Variants in CUX1 observed in about 807,000 individuals in gnomAD.
CUX1 encodes the protein cut like homeobox 1.
In CUX1, 31 loss-of-function variants were observed where a neutral mutation model predicts 158.8. The ratio of observed to expected loss-of-function variants is 0.20; its 90% CI spans 0.15 to 0.26. CUX1 has a LOEUF of 0.26. CUX1 is among the 10% of genes least tolerant of loss of function. CUX1 has a pLI of 1.00. For synonymous variants in CUX1, 879 were observed against 862.1 expected, an observed-to-expected ratio of 1.02 and a Z score of -0.34; for missense variants, 1,589 against 2,014.6, an observed-to-expected ratio of 0.79 and a Z score of 4.04.
At chr7:102,070,474 G>A (rs899936219) in intron 4 of CUX1, 57 bp downstream of exon 4, 4 of 1,390,396 alleles carry the variant, frequency 2.9e-6, no homozygotes, top group Admixed American at 2.1e-5. Flanking sequence ...GTGAGTCGGT[G>A]GGTTTTTGGC....
chr7:102,185,553 G>A lies in CUX1; in HGVS notation c.1018-4260G>A, dbSNP rs567697569. Among the ~76,000 whole-genome samples, 8 of 151,968 alleles carry A rather than the reference G, an allele frequency of 5.3e-5. No individual in the cohort carries two copies. The South Asian group carries it at 1.5e-3, about 28-fold the overall frequency. ...TCCTGCCCCAGCCTCCTGAGTAGCT[G>A]GGACTGCCGGCACATGCTAACACAC... On this transcript the variant is annotated intron_variant, in intron 11 of 23. Coordinates refer to ENST00000292535, the MANE Select transcript of CUX1 (RefSeq NM_181552.4).
chr7:101,908,464 T>TTGTTTGTG, intron 1 of CUX1, among the ~76,000 whole-genome samples: 1 of 151,554 alleles, frequency 6.6e-6, no homozygotes, highest in South Asian at 2.1e-4. Flanking sequence ...GTTTGTTTGT[T>TTGTTTGTG]TGTTTGTTTG....
intron 1 of CUX1, among the ~76,000 whole-genome samples, chr7:101,897,718 A>C (rs562865930): frequency 6.6e-6 from 1 of 152,244 alleles, no homozygotes; most frequent in African/African-American, 2.4e-5. Context: ...GTCTGATATT[A>C]TCATCCCCAA....
At chr7:101,816,044 T>C (rs748916298), upstream of CUX1, 2 of 1,425,462 alleles carry the variant, frequency 1.4e-6, no homozygotes, top group South Asian at 1.2e-5. Context: ...GCGGCCAATG[T>C]GGGATCGATG....
chr7:102,258,637 G>A (rs1790142057), downstream of CUX1, among the ~76,000 whole-genome samples: 1 of 152,184 alleles, frequency 6.6e-6, no homozygotes, highest in South Asian at 2.1e-4. Context: ...GCCAGTGCTG[G>A]TGCGGCACTG....
intron 1 of CUX1, among the ~76,000 whole-genome samples, chr7:101,910,744 CAA>C (rs77729111): frequency 2.5e-4 from 27 of 106,074 alleles, no homozygotes; most frequent in Non-Finnish European, 2.1e-4. Flanking sequence ...AAGACTGTCT[CAA>C]AAAAAAAAAA....
At chr7:101,882,475 G>A (rs1341082954) in intron 1 of CUX1, among the ~76,000 whole-genome samples, 2 of 152,052 alleles carry the variant, frequency 1.3e-5, no homozygotes, top group Admixed American at 6.6e-5. Flanking sequence ...GTGTGACTTA[G>A]GTGTAGAAAT....
intron 8 of CUX1, among the ~76,000 whole-genome samples, chr7:102,126,054 C>A (rs956945183): frequency 6.6e-6 from 1 of 151,932 alleles, no homozygotes; most frequent in East Asian, 1.9e-4. Context: ...CACTCTGTTG[C>A]CCAGGCTGGA....
Position 101,939,005 on chromosome 7 carries a change from C to T in CUX1, c.141+22780C>T, listed in dbSNP as rs542706448. Among the ~76,000 whole-genome samples, 6 of 138,228 alleles carry T rather than the reference C, an allele frequency of 4.3e-5. No homozygotes were observed. The South Asian group carries it at 1.4e-3, about 32-fold the overall frequency. The allele number at this position is 138,228 out of a possible 152,430, so 90.7% of individuals were successfully genotyped here. A position where few individuals can be genotyped will look rare whatever the true frequency, so the allele number is the denominator to read the frequency against. ...GCAGTGAGCCAAGATCGTGCCACTG[C>T]AGTCCAGCCTGGGCAACAAGACCAA... is the stretch of plus-strand genomic sequence containing the variant. On this transcript the variant is annotated intron_variant, in intron 2 of 23. Transcript: ENST00000292535.
In CUX1 at chr7:102,254,028, C is replaced by T. The variant is rs1322246629; in HGVS notation, c.*4986C>T. On this transcript the variant is annotated 3_prime_UTR_variant, in exon 24 of 24. Coordinates refer to ENST00000292535, the MANE Select transcript of CUX1 (RefSeq NM_181552.4). ...CTGGAGAGAGCAGAAAAGCTGCCAG[C>T]GCAGCAGACACGAACATCCCTCTGC... 3 of 985,342 alleles carry T rather than the reference C, an allele frequency of 3.0e-6. No individual in the cohort carries two copies. Among genetic ancestry groups the T allele is most frequent in the Non-Finnish European group, 2.4e-6 (2 of 829,974 alleles). 61.0% of individuals were successfully genotyped at this position (985,342 alleles called of 1,614,324 possible). A position where few individuals can be genotyped will look rare whatever the true frequency, so the allele number is the denominator to read the frequency against.
intron 2 of CUX1, among the ~76,000 whole-genome samples, chr7:101,996,861 C>G (rs554326301): frequency 6.6e-6 from 1 of 152,172 alleles, no homozygotes; most frequent in African/African-American, 2.4e-5. Context: ...TTCCACCCTG[C>G]GTCTGCCCAT....
intron 17 of CUX1, chr7:102,275,394 G>A (rs1323537596): frequency 6.5e-7 from 1 of 1,541,314 alleles, no homozygotes; most frequent in African/African-American, 1.4e-5. Flanking sequence ...ATGCTCCTTG[G>A]GCCCAAGGAC....
intron 1 of CUX1, among the ~76,000 whole-genome samples, chr7:101,841,050 C>T (rs950325804): frequency 1.8e-4 from 28 of 151,950 alleles, no homozygotes; most frequent in African/African-American, 5.8e-4. Context: ...CCCGCCACCA[C>T]GCCTGGCTAA....
chr7:101,920,058 G>A (rs1485769986), intron 2 of CUX1, among the ~76,000 whole-genome samples: 2 of 152,126 alleles, frequency 1.3e-5, no homozygotes, highest in African/African-American at 4.8e-5. Context: ...GTCCCGAGTA[G>A]CTGGGATTAC....
At chr7:101,885,545 C>G (rs748493529) in intron 1 of CUX1, among the ~76,000 whole-genome samples, 1 of 152,058 alleles carries the variant, frequency 6.6e-6, no homozygotes, top group African/African-American at 2.4e-5. Flanking sequence ...GGCGACAGAG[C>G]GAGACCCTGT....
At position 102,257,831 on chromosome 7, in the gene CUX1, T is replaced by A; in HGVS notation, c.*8789T>A. 1 of 984,588 alleles carries A rather than the reference T, an allele frequency of 1.0e-6. No individual in the cohort carries two copies. The highest frequency in any genetic ancestry group is 1.2e-6 in the Non-Finnish European group (1 of 829,772). 61.0% of individuals were successfully genotyped at this position (984,588 alleles called of 1,614,324 possible). On this transcript the variant is annotated 3_prime_UTR_variant, in exon 24 of 24. Transcript: ENST00000292535. ...GTTTGTTCATCCTCACAATCACAGA[T>A]TTTTTTCTCCAATCCTCACAGAGAC...
chr7:101,997,283 C>G (rs935435235), intron 2 of CUX1, among the ~76,000 whole-genome samples: 4 of 152,236 alleles, frequency 2.6e-5, no homozygotes, highest in African/African-American at 7.2e-5. Flanking sequence ...GGAGCCTGCT[C>G]CACGTCTCTA....
At chr7:101,856,909 C>G (rs1002483458) in intron 1 of CUX1, among the ~76,000 whole-genome samples, 4 of 152,230 alleles carry the variant, frequency 2.6e-5, no homozygotes, top group African/African-American at 9.6e-5. Context: ...CCACAGGCCC[C>G]GGGTGTGAAC....
intron 1 of CUX1, among the ~76,000 whole-genome samples, chr7:101,858,267 C>T (rs1317567165): frequency 6.6e-6 from 1 of 152,194 alleles, no homozygotes; most frequent in Non-Finnish European, 1.5e-5. Context: ...TGGCTAAAAA[C>T]CCGGCCAAGA....
Sources: gnomAD v4.1 joint callset for allele counts (sites outside exome capture counted in the v4.1 genomes callset) on GRCh38, gnomAD v4.1.1 for gene constraint, MANE v1.5 for transcripts, NCBI Gene and HGNC (gene_info 2026-07-23, HGNC 2026-07-21) for gene names.